The following CNKSR2 variants were observed in gnomAD, a reference collection of about 807,000 sequenced individuals.
CNKSR2 encodes CNK homolog protein 2.
CNKSR2 carries 14 observed loss-of-function variants against 84.4 expected under a neutral mutation model. That is an observed-to-expected ratio of 0.17 (90% CI 0.11 to 0.26). The LOEUF (loss-of-function observed/expected upper bound fraction) is 0.26. Among genes scored for constraint, CNKSR2 ranks in the 10% least tolerant of loss-of-function variants. CNKSR2 has a pLI of 1.00. For synonymous variants in CNKSR2, 275 were observed against 277.9 expected (o/e 0.99, Z 0.10); for missense variants, 485 against 771.2 (o/e 0.63, Z 4.40).
chrX:21,394,444 T>C (rs940014137), intron 1 of CNKSR2, among the ~76,000 whole-genome samples: 5 of 112,029 alleles, frequency 4.5e-5, no homozygotes, highest in Non-Finnish European at 9.4e-5. Flanking sequence ...TTCTAACAGC[T>C]GTATTGGAGT....
chrX:21,595,748 G>A (rs1028536843), intron 17 of CNKSR2, among the ~76,000 whole-genome samples: 4 of 111,657 alleles, frequency 3.6e-5, no homozygotes, highest in African/African-American at 1.3e-4. Context: ...TTGAAGTACT[G>A]AGTATTTTTG....
chrX:21,453,047 G>GA (rs1337359571), intron 4 of CNKSR2, among the ~76,000 whole-genome samples: 1 of 109,565 alleles, frequency 9.1e-6, no homozygotes, highest in Non-Finnish European at 1.9e-5. Flanking sequence ...TACTATCCTG[G>GA]AAAATATGAG....
chrX:21,607,741 T>G (rs578085137), intron 19 of CNKSR2, among the ~76,000 whole-genome samples: 1 of 110,019 alleles, frequency 9.1e-6, no homozygotes, highest in Non-Finnish European at 1.9e-5. Flanking sequence ...GAGGTGGAGG[T>G]TGCAGTGATC....
intron 20 of CNKSR2, chrX:21,645,900 G>A (rs1208887095): frequency 2.7e-5 from 3 of 111,739 alleles, no homozygotes; most frequent in Non-Finnish European, 3.8e-5. Flanking sequence ...GAAAATAAAG[G>A]TCTGTTTTTG....
intron 4 of CNKSR2, among the ~76,000 whole-genome samples, chrX:21,460,409 A>G (rs2091046928): frequency 3.6e-5 from 4 of 111,345 alleles, no homozygotes; most frequent in Non-Finnish European, 1.9e-5. Context: ...GCATATTTCA[A>G]ATTTTTTGTG....
intron 18 of CNKSR2, among the ~76,000 whole-genome samples, chrX:21,603,123 G>A (rs770170222): frequency 2.1e-4 from 24 of 112,136 alleles, no homozygotes; most frequent in Non-Finnish European, 3.6e-4. Flanking sequence ...CTGTGGATTC[G>A]TGATGTATTG....
chrX:21,518,659 A>G (rs746835280), intron 9 of CNKSR2, among the ~76,000 whole-genome samples: 23 of 111,589 alleles, frequency 2.1e-4, no homozygotes, highest in Admixed American at 1.3e-3. Context: ...AATTTTAAAA[A>G]TTACGTCATG....
At chrX:21,530,660 T>C (rs1299637006) in intron 10 of CNKSR2, among the ~76,000 whole-genome samples, 1 of 111,042 alleles carries the variant, frequency 9.0e-6, no homozygotes, top group Non-Finnish European at 1.9e-5. Flanking sequence ...CAGAAACAAT[T>C]AAGAACAAGG....
intron 6 of CNKSR2, among the ~76,000 whole-genome samples, chrX:21,496,944 A>G (rs1444809225): frequency 9.0e-6 from 1 of 111,285 alleles, no homozygotes; most frequent in Non-Finnish European, 1.9e-5. Flanking sequence ...CATTAACTGA[A>G]TCATCTAGTT....
chrX:21,503,457 A>C, intron 8 of CNKSR2: 1 of 278,059 alleles, frequency 3.6e-6, no homozygotes, highest in East Asian at 5.0e-5. Flanking sequence ...TATTTCATTT[A>C]GTCCATGCAA....
intron 1 of CNKSR2, among the ~76,000 whole-genome samples, chrX:21,383,255 T>C (rs770720661): frequency 1.2e-4 from 14 of 112,911 alleles, no homozygotes; most frequent in Non-Finnish European, 2.3e-4. Flanking sequence ...TTGATTTTAA[T>C]TTAAATCACA....
chrX:21,458,378 T>G (rs1331928192), intron 4 of CNKSR2, among the ~76,000 whole-genome samples: 1 of 112,191 alleles, frequency 8.9e-6, no homozygotes, highest in Admixed American at 9.4e-5. Context: ...CATTGCTATA[T>G]GTATGCATCT....
At chrX:21,579,011 AAGG>A (rs1274456164) in intron 13 of CNKSR2, among the ~76,000 whole-genome samples, 1 of 111,871 alleles carries the variant, frequency 8.9e-6, no homozygotes, top group Non-Finnish European at 1.9e-5. Context: ...TCAGGTGCTG[AAGG>A]AGGAGATCCG....
intron 6 of CNKSR2, 38 bp from the exon 7 acceptor site, chrX:21,497,749 T>C (rs1233837556): frequency 3.1e-6 from 2 of 652,670 alleles, no homozygotes; most frequent in African/African-American, 4.3e-5. Context: ...AATTCACCAA[T>C]TGCTTCACTT....
At chrX:21,628,679 GGGA>G (rs1250660993) in intron 20 of CNKSR2, among the ~76,000 whole-genome samples, 1 of 111,185 alleles carries the variant, frequency 9.0e-6, no homozygotes, top group Non-Finnish European at 1.9e-5. Context: ...TGGAGTGGCT[GGGA>G]CACAGGGCGC....
chrX:21,643,202 C>G (rs2092697074), intron 20 of CNKSR2: 1 of 111,065 alleles, frequency 9.0e-6, no homozygotes, highest in African/African-American at 3.3e-5. Context: ...GTTAAATTTT[C>G]TAAATTCTGT....
chrX:21,628,267 G>A (rs777874367), intron 20 of CNKSR2, among the ~76,000 whole-genome samples: 4 of 111,639 alleles, frequency 3.6e-5, no homozygotes, highest in East Asian at 2.8e-4. Flanking sequence ...AACCTCTCTC[G>A]GCTGCTTTCA....
intron 1 of CNKSR2, among the ~76,000 whole-genome samples, chrX:21,396,301 T>C (rs1387155179): frequency 1.8e-5 from 2 of 110,815 alleles, no homozygotes; most frequent in Non-Finnish European, 3.8e-5. Flanking sequence ...TGTAAATTGA[T>C]ATGGAGTATC....
intron 2 of CNKSR2, chrX:21,427,866 G>C (rs1386037264): frequency 8.9e-6 from 1 of 111,998 alleles, no homozygotes; most frequent in African/African-American, 3.2e-5. Context: ...GAGGGATTCA[G>C]GAAGTGTAGG....
Sources: allele counts gnomAD v4.1 joint callset (sites outside exome capture counted in the v4.1 genomes callset), GRCh38; gene constraint gnomAD v4.1.1; transcripts MANE v1.5; gene names NCBI Gene and HGNC (gene_info 2026-07-23, HGNC 2026-07-21).